The following TRMT11 variants were observed in gnomAD, a reference collection of about 807,000 sequenced individuals.
TRMT11 encodes the protein tRNA (guanine(10)-N(2))-methyltransferase TRMT11.
In TRMT11, 53 loss-of-function variants were observed where a neutral mutation model predicts 62.8. The ratio of observed to expected loss-of-function variants is 0.84; its 90% CI spans 0.68 to 1.06. The LOEUF (loss-of-function observed/expected upper bound fraction) is 1.06, where lower values mean the gene tolerates loss of function less well. Among genes scored for constraint, TRMT11 ranks in the 50% least tolerant of loss-of-function variants. The pLI is 0.00. For missense variants in TRMT11, 556 were observed against 553.4 expected (o/e 1.00, Z -0.05); for synonymous variants, 188 against 190.3 (o/e 0.99, Z 0.10).
chr6:126,091,891 G>A (rs1057312593), intron 17 of TRMT11, among the ~76,000 whole-genome samples: 1 of 152,052 alleles, frequency 6.6e-6, no homozygotes, highest in Non-Finnish European at 1.5e-5. Flanking sequence ...TCAATTTCTT[G>A]AGATCTTTTC....
chr6:126,017,665 T>C (rs1037270919), intron 11 of TRMT11, among the ~76,000 whole-genome samples: 1 of 152,246 alleles, frequency 6.6e-6, no homozygotes, highest in Non-Finnish European at 1.5e-5. Flanking sequence ...TCACCACTTC[T>C]GTGACACTTT....
chr6:125,992,987 T>G (rs1790871555), intron 1 of TRMT11, among the ~76,000 whole-genome samples: 1 of 152,194 alleles, frequency 6.6e-6, no homozygotes, highest in Non-Finnish European at 1.5e-5. Flanking sequence ...ATAGTTTCCC[T>G]TTTGATGGCG....
chr6:126,093,631 A>ATATATATATTTTTTTTTTTTTT (rs1554236842), intron 17 of TRMT11, among the ~76,000 whole-genome samples: 2 of 98,012 alleles, frequency 2.0e-5, no homozygotes, highest in African/African-American at 8.7e-5. Flanking sequence ...ATATATATAT[A>ATATATATATTTTTTTTTTTTTT]TTTTCCCCCA....
At chr6:126,258,911 A>G in the TRMT11 span, among the ~76,000 whole-genome samples, 96 of 152,070 alleles carry the variant, frequency 6.3e-4, no homozygotes, top group African/African-American at 1.7e-3. Context: ...TGTACAGATT[A>G]TTTTTCACCT....
At chr6:126,255,745 G>A in the TRMT11 span, among the ~76,000 whole-genome samples, 779 of 152,172 alleles carry the variant, frequency 5.1e-3, 9 homozygotes, top group African/African-American at 0.018. Flanking sequence ...AAAAAATGAG[G>A]AAGGAAAATA....
At chr6:126,264,181 A>ATTT in the TRMT11 span, among the ~76,000 whole-genome samples, 1 of 152,210 alleles carries the variant, frequency 6.6e-6, no homozygotes, top group African/African-American at 2.4e-5. Flanking sequence ...AAGCATGGAG[A>ATTT]GTAAACAGGA....
downstream of TRMT11, among the ~76,000 whole-genome samples, chr6:126,042,668 A>G (rs1562302973): frequency 2.6e-5 from 4 of 152,208 alleles, no homozygotes; most frequent in Admixed American, 6.6e-5. Context: ...CCTTTAATCA[A>G]GCTTCCCTGG....
chr6:126,174,907 C>T (rs756035258), upstream of TRMT11, among the ~76,000 whole-genome samples: 17 of 152,128 alleles, frequency 1.1e-4, no homozygotes, highest in Non-Finnish European at 1.9e-4. Context: ...AAATGGAGCA[C>T]CCTGGTGAGT....
At chr6:126,230,025 T>C in the TRMT11 span, among the ~76,000 whole-genome samples, 2 of 152,180 alleles carry the variant, frequency 1.3e-5, no homozygotes, top group Admixed American at 6.5e-5. Context: ...ATCTAACTTA[T>C]ACCAAACCTC....
chr6:126,177,378 T>C (rs1172231338), intron 1 of TRMT11: 1 of 152,202 alleles, frequency 6.6e-6, no homozygotes, highest in African/African-American at 2.4e-5. Flanking sequence ...AGATTTATAA[T>C]GAAAAACAGC....
At chr6:126,083,520 A>G (rs993807328) in intron 17 of TRMT11, among the ~76,000 whole-genome samples, 1 of 152,186 alleles carries the variant, frequency 6.6e-6, no homozygotes, top group Non-Finnish European at 1.5e-5. Flanking sequence ...TGTAAGGTAT[A>G]CAACATGATG....
At chr6:126,142,930 A>G (rs2128216284) in intron 21 of TRMT11, among the ~76,000 whole-genome samples, 1 of 152,200 alleles carries the variant, frequency 6.6e-6, no homozygotes, top group East Asian at 1.9e-4. Flanking sequence ...AAATTTTGTG[A>G]CTATTAAATG....
chr6:126,187,969 T>G (rs1778545426), intron 1 of TRMT11, among the ~76,000 whole-genome samples: 1 of 149,812 alleles, frequency 6.7e-6, no homozygotes. Flanking sequence ...AAATAAAATC[T>G]AATTTGAGAC....
intron 17 of TRMT11, among the ~76,000 whole-genome samples, chr6:126,060,562 C>A: frequency 6.6e-6 from 1 of 152,294 alleles, no homozygotes; most frequent in Middle Eastern, 3.4e-3. Context: ...TCACTCAGTG[C>A]GTATGTGACA....
At chr6:126,070,142 G>A (rs1344852680) in intron 17 of TRMT11, among the ~76,000 whole-genome samples, 2 of 152,174 alleles carry the variant, frequency 1.3e-5, no homozygotes, top group African/African-American at 2.4e-5. Flanking sequence ...AAAGAGATAA[G>A]TATCTGGAGA....
chr6:126,154,194 T>C (rs575128384), intron 21 of TRMT11, among the ~76,000 whole-genome samples: 2 of 152,366 alleles, frequency 1.3e-5, no homozygotes, highest in South Asian at 4.1e-4. Context: ...GTCTTTATAG[T>C]GTATTGCTAC....
In TRMT11 at chr6:125,996,028, C is replaced by G. The variant is rs1471110458; in HGVS notation, c.200C>G (p.Thr67Arg). The G allele has an allele frequency of 6.2e-7, 1 of 1,608,446 alleles. No individual in the cohort carries two copies. Among genetic ancestry groups the G allele is most frequent in the Non-Finnish European group, 8.5e-7 (1 of 1,174,886 alleles). Residue 67 changes from threonine to arginine, a missense_variant, in exon 3 of 13, where the codon ACA (threonine) becomes AGA (arginine). Transcript: ENST00000334379. The stretch of plus-strand genomic sequence containing the variant: ...ATTGCAAGAAATTTGATGAAACGGA[C>G]AGTGTGTGCCAAGTAAGAGAAACTT... Reference protein sequence around the residue: ...EDIARNLMKRTVCAKSIFELW... With the variant: ...EDIARNLMKRRVCAKSIFELW...
intron 17 of TRMT11, among the ~76,000 whole-genome samples, chr6:126,058,463 A>G (rs1776434256): frequency 6.6e-6 from 1 of 152,210 alleles, no homozygotes; most frequent in African/African-American, 2.4e-5. Flanking sequence ...TCCTTTAGTT[A>G]TATACCCAGT....
chr6:125,996,096 C>A, intron 3 of TRMT11, 56 bp downstream of exon 3: 1 of 1,247,448 alleles, frequency 8.0e-7, no homozygotes, highest in Non-Finnish European at 1.2e-6. Flanking sequence ...CATAACCACT[C>A]AATCCTGTTT....
Sources: gnomAD v4.1 joint callset for allele counts (sites outside exome capture counted in the v4.1 genomes callset) on GRCh38, gnomAD v4.1.1 for gene constraint, MANE v1.5 for transcripts, NCBI Gene and HGNC (gene_info 2026-07-23, HGNC 2026-07-21) for gene names.